The following LCLAT1 variants were observed in gnomAD, a reference collection of about 807,000 sequenced individuals.
LCLAT1 encodes the protein lysocardiolipin acyltransferase 1, also known as 1-AGP acyltransferase 8.
A neutral mutation model predicts 30.7 loss-of-function variants in LCLAT1; 11 were observed. The observed-to-expected ratio is 0.36, with a 90% CI of 0.23 to 0.59. The LOEUF is 0.59. Among genes scored for constraint, LCLAT1 ranks in the 20% least tolerant of loss-of-function variants. The pLI is 0.77. For synonymous variants in LCLAT1, 155 were observed against 151.3 expected, an observed-to-expected ratio of 1.02 and a Z score of -0.18; for missense variants, 402 against 458.6, an observed-to-expected ratio of 0.88 and a Z score of 1.13.
intron 4 of LCLAT1, among the ~76,000 whole-genome samples, chr2:30,562,850 C>T (rs1665303173): frequency 6.6e-6 from 1 of 152,102 alleles, no homozygotes; most frequent in Non-Finnish European, 1.5e-5. Context: ...GCGTCTTCCT[C>T]ATAAGAAAAA....
At chr2:30,465,946 A>G (rs1682398769) in intron 1 of LCLAT1, among the ~76,000 whole-genome samples, 1 of 152,028 alleles carries the variant, frequency 6.6e-6, no homozygotes, top group Non-Finnish European at 1.5e-5. Context: ...GTGGTAGATT[A>G]TATAACTAAT....
chr2:30,607,959 G>T (rs1667536140), intron 5 of LCLAT1: 2 of 171,860 alleles, frequency 1.2e-5, no homozygotes, highest in African/African-American at 2.4e-5. Context: ...ATGGAATCAG[G>T]ATAGAAAGAA....
At chr2:30,524,273 A>T (rs1685606089) in intron 1 of LCLAT1, among the ~76,000 whole-genome samples, 1 of 152,230 alleles carries the variant, frequency 6.6e-6, no homozygotes, top group Non-Finnish European at 1.5e-5. Context: ...ATAGCCAGTG[A>T]AGAGTCTAAG....
intron 1 of LCLAT1, among the ~76,000 whole-genome samples, chr2:30,516,321 C>T (rs545879267): frequency 2.9e-4 from 44 of 152,254 alleles, no homozygotes; most frequent in East Asian, 9.7e-4. Context: ...AGCTTTCACT[C>T]GCCGTCCACC....
intron 3 of LCLAT1, among the ~76,000 whole-genome samples, chr2:30,557,853 G>C (rs1665001858): frequency 1.3e-5 from 2 of 152,140 alleles, no homozygotes; most frequent in South Asian, 4.1e-4. Context: ...TATAGTACAT[G>C]TATTTCTTTT....
chr2:30,632,807 A>G (rs1668832338), intron 5 of LCLAT1, among the ~76,000 whole-genome samples: 1 of 152,250 alleles, frequency 6.6e-6, no homozygotes, highest in South Asian at 2.1e-4. Context: ...TAGAGCTGGT[A>G]AAAGGCAGGA....
At chr2:30,527,716 CAG>C (rs1685783515) in intron 2 of LCLAT1, among the ~76,000 whole-genome samples, 2 of 152,130 alleles carry the variant, frequency 1.3e-5, no homozygotes, top group South Asian at 2.1e-4. Context: ...CTACTTACAT[CAG>C]AGAGTCATTG....
At chr2:30,615,290 C>G (rs144823274) in intron 5 of LCLAT1, among the ~76,000 whole-genome samples, 49 of 151,750 alleles carry the variant, frequency 3.2e-4, no homozygotes, top group African/African-American at 1.1e-3. Context: ...ACAGATCCTC[C>G]TTATGAAAAA....
At chr2:30,554,866 G>A (rs1186723348) in intron 3 of LCLAT1, among the ~76,000 whole-genome samples, 2 of 152,042 alleles carry the variant, frequency 1.3e-5, no homozygotes, top group African/African-American at 2.4e-5. Flanking sequence ...AAAAGTATGA[G>A]AGGAGAGATC....
At position 30,483,753 on chromosome 2, in the gene LCLAT1, A is replaced by G. The variant is rs530876016; in HGVS notation, c.-5+36370A>G. ...ACCATATCCATTTCCAGTTGTCTTA[A>G]CTTGTATTTAAAACTAAAACTCCTA... On this transcript the variant is annotated intron_variant, in intron 1 of 5. Transcript: ENST00000379509. 6.6e-5 allele frequency among the ~76,000 whole-genome samples: 10 copies of G among 152,286 alleles called. No individual in the cohort carries two copies. The East Asian group carries it at 1.9e-3, about 29-fold the overall frequency.
chr2:30,615,226 A>C (rs1025324203), intron 5 of LCLAT1, among the ~76,000 whole-genome samples: 4 of 152,154 alleles, frequency 2.6e-5, no homozygotes, highest in African/African-American at 9.7e-5. Flanking sequence ...AGTAGGCAAG[A>C]GCAGGTGAGA....
chr2:30,466,204 T>A (rs1238110589), intron 1 of LCLAT1, among the ~76,000 whole-genome samples: 1 of 151,640 alleles, frequency 6.6e-6, no homozygotes, highest in Non-Finnish European at 1.5e-5. Flanking sequence ...ATTTTAAAGT[T>A]CCGCTGTTTT....
chr2:30,499,468 C>G (rs1684263673), intron 1 of LCLAT1, among the ~76,000 whole-genome samples: 1 of 152,206 alleles, frequency 6.6e-6, no homozygotes, highest in Non-Finnish European at 1.5e-5. Context: ...GGGAGTGAGC[C>G]ACTGCGCCCA....
chr2:30,526,743 A>G (rs561860472), intron 2 of LCLAT1, among the ~76,000 whole-genome samples: 1 of 152,324 alleles, frequency 6.6e-6, no homozygotes, highest in Admixed American at 6.5e-5. Context: ...AACAGGACAG[A>G]TATGATCTCT....
At chr2:30,489,661 T>C (rs1158667729) in intron 1 of LCLAT1, among the ~76,000 whole-genome samples, 1 of 152,194 alleles carries the variant, frequency 6.6e-6, no homozygotes, top group Non-Finnish European at 1.5e-5. Context: ...CACAGTTATC[T>C]TACTACATAG....
At position 30,616,714 on chromosome 2, in the gene LCLAT1, A is replaced by T. The variant is rs72863015; in HGVS notation, c.629-23403A>T. ...CTTAAAGTGATCCCTTAATTAGGGA[A>T]TTATATCTTGCATTAACCAGGAAAG... On this transcript the variant is annotated intron_variant, in intron 5 of 5. Coordinates refer to ENST00000379509, the MANE Select transcript of LCLAT1 (RefSeq NM_001002257.3). Among the ~76,000 whole-genome samples, 1,498 of 152,270 alleles carry T rather than the reference A, an allele frequency of 9.8e-3. 29 individuals are homozygous for T. The highest frequency in any genetic ancestry group is 0.035 in the African/African-American group (1,441 of 41,552).
intron 1 of LCLAT1, among the ~76,000 whole-genome samples, chr2:30,460,436 G>C (rs865798060): frequency 2.0e-5 from 3 of 152,142 alleles, no homozygotes; most frequent in Admixed American, 1.3e-4. Context: ...TTCTATTGCT[G>C]CTGCTTTTGT....
At position 30,455,047 on chromosome 2, in the gene LCLAT1, T is replaced by C. The variant is rs1681760153; in HGVS notation, c.-5+7664T>C. ...CTACTTGATAAACAGTTCTTGTCTGTTGAGTAGGCTAATCTTCAGGGAACT... is the reference window on the plus strand; with the variant it reads ...CTACTTGATAAACAGTTCTTGTCTGCTGAGTAGGCTAATCTTCAGGGAACT... On this transcript the variant is annotated intron_variant, in intron 1 of 5. Coordinates refer to ENST00000379509, the MANE Select transcript of LCLAT1 (RefSeq NM_001002257.3). Among the ~76,000 whole-genome samples, 3 of 152,012 alleles carry C rather than the reference T, an allele frequency of 2.0e-5. No individual in the cohort carries two copies. In the South Asian group the frequency reaches 6.2e-4, roughly 32 times the overall value.
At chr2:30,465,220 G>A (rs1448091070) in intron 1 of LCLAT1, among the ~76,000 whole-genome samples, 1 of 152,170 alleles carries the variant, frequency 6.6e-6, no homozygotes, top group African/African-American at 2.4e-5. Context: ...GTTTATCAAA[G>A]TGAGGCAGAG....
Sources: allele counts gnomAD v4.1 joint callset (sites outside exome capture counted in the v4.1 genomes callset), GRCh38; gene constraint gnomAD v4.1.1; transcripts MANE v1.5; gene names NCBI Gene and HGNC (gene_info 2026-07-23, HGNC 2026-07-21).